Variants in COMMD1 observed in about 807,000 individuals in gnomAD.
The protein encoded by COMMD1 is copper metabolism domain containing 1.
A neutral mutation model predicts 17.2 loss-of-function variants in COMMD1; 10 were observed. The ratio of observed to expected loss-of-function variants is 0.58; its 90% confidence interval spans 0.36 to 0.99. The LOEUF (loss-of-function observed/expected upper bound fraction) is 0.99, where lower values mean the gene tolerates loss of function less well. Among genes scored for constraint, COMMD1 ranks in the 50% least tolerant of loss-of-function variants. The pLI, the probability that COMMD1 is intolerant of heterozygous loss-of-function variation, is 0.01. For missense variants in COMMD1, 270 were observed against 231.8 expected (o/e 1.17, Z -1.07); for synonymous variants, 97 against 91.6 (o/e 1.06, Z -0.34).
At position 61,899,051 on chromosome 2, in the gene COMMD1, G is replaced by A. The variant is rs553875154; in HGVS notation, n.119+10209G>A. On this transcript the variant is annotated intron_variant and non_coding_transcript_variant, in intron 1 of 2. Coordinates refer to the COMMD1 transcript ENST00000472729. Reference sequence around the variant, plus strand: ...ATTGCTCACTCTGATATTTTGGAACGTGCTGTAGGCTCAGGCAGGCAGTAA... The same window carrying A: ...ATTGCTCACTCTGATATTTTGGAACATGCTGTAGGCTCAGGCAGGCAGTAA... Among the ~76,000 whole-genome samples the A allele has an allele frequency of 4.6e-5, 7 of 152,288 alleles. No individual in the cohort carries two copies. In the South Asian group the frequency reaches 6.2e-4, roughly 14 times the overall value.
intron 2 of COMMD1, among the ~76,000 whole-genome samples, chr2:62,024,246 T>C (rs1313713116): frequency 6.6e-6 from 1 of 152,162 alleles, no homozygotes; most frequent in Non-Finnish European, 1.5e-5. Flanking sequence ...AGACAGGGTC[T>C]CCCTCTGTAA....
intron 2 of COMMD1, among the ~76,000 whole-genome samples, chr2:62,087,282 G>A (rs758087895): frequency 6.6e-6 from 1 of 152,158 alleles, no homozygotes; most frequent in East Asian, 1.9e-4. Flanking sequence ...GGTAGAGTCC[G>A]TGAGGGTCAC....
At chr2:62,001,018 T>C in intron 2 of COMMD1, 36 bp downstream of exon 2, 2 of 1,589,540 alleles carry the variant, frequency 1.3e-6, no homozygotes, top group East Asian at 2.2e-5. Context: ...CTTTGTAAAC[T>C]GTATTTTTCA....
intron 2 of COMMD1, among the ~76,000 whole-genome samples, chr2:62,106,160 G>T (rs1489505642): frequency 6.6e-6 from 1 of 152,130 alleles, no homozygotes; most frequent in Non-Finnish European, 1.5e-5. Flanking sequence ...ATTGTGCCTG[G>T]CAGAAAATGA....
At chr2:62,040,676 A>G (rs1378788471) in intron 2 of COMMD1, among the ~76,000 whole-genome samples, 1 of 152,094 alleles carries the variant, frequency 6.6e-6, no homozygotes, top group African/African-American at 2.4e-5. Flanking sequence ...GTTGTGTCAT[A>G]GTCTTTAGTA....
At chr2:62,026,098 C>T (rs183682881) in intron 2 of COMMD1, among the ~76,000 whole-genome samples, 3 of 152,288 alleles carry the variant, frequency 2.0e-5, no homozygotes, top group Admixed American at 2.0e-4. Context: ...AGACACAGGC[C>T]TCTCTGATTC....
intron 2 of COMMD1, among the ~76,000 whole-genome samples, chr2:62,013,124 G>A (rs1468073254): frequency 6.6e-6 from 1 of 152,060 alleles, no homozygotes; most frequent in Non-Finnish European, 1.5e-5. Flanking sequence ...GGATTTCTGG[G>A]ATCTCAGTAC....
chr2:61,912,681 G>C (rs2105180141), intron 1 of COMMD1, among the ~76,000 whole-genome samples: 1 of 150,870 alleles, frequency 6.6e-6, no homozygotes, highest in Admixed American at 6.6e-5. Flanking sequence ...GTTGCAGTGA[G>C]CCGAGATCGT....
chr2:62,093,223 C>T (rs756562428), intron 2 of COMMD1, among the ~76,000 whole-genome samples: 1 of 152,174 alleles, frequency 6.6e-6, no homozygotes, highest in Non-Finnish European at 1.5e-5. Context: ...ATGGCGGCAT[C>T]TGGATAAACT....
At chr2:61,969,342 G>A (rs907099778) in intron 1 of COMMD1, among the ~76,000 whole-genome samples, 7 of 151,836 alleles carry the variant, frequency 4.6e-5, no homozygotes, top group Admixed American at 6.6e-5. Flanking sequence ...AATTCTGATG[G>A]CATAAATCAG....
intron 2 of COMMD1, among the ~76,000 whole-genome samples, chr2:62,046,641 A>G (rs1670392894): frequency 6.6e-6 from 1 of 152,232 alleles, no homozygotes. Context: ...TATTGTCTTG[A>G]TCTTCTGAAC....
chr2:62,126,100 C>T (rs887513931), intron 2 of COMMD1, among the ~76,000 whole-genome samples: 2 of 152,292 alleles, frequency 1.3e-5, no homozygotes, highest in East Asian at 3.9e-4. Context: ...AGGACATGAT[C>T]TTATTCCTTT....
intron 1 of COMMD1, among the ~76,000 whole-genome samples, chr2:61,990,457 C>T (rs976164261): frequency 1.3e-5 from 2 of 152,050 alleles, no homozygotes; most frequent in Non-Finnish European, 2.9e-5. Context: ...GAGGCTGAGG[C>T]GGAAGGACTG....
chr2:61,982,756 C>G (rs1671991116), intron 1 of COMMD1, among the ~76,000 whole-genome samples: 1 of 152,116 alleles, frequency 6.6e-6, no homozygotes, highest in Non-Finnish European at 1.5e-5. Flanking sequence ...TGAATTTTAT[C>G]AAATGTCTTT....
chr2:61,996,774 G>A (rs760596438), intron 1 of COMMD1, among the ~76,000 whole-genome samples: 1 of 152,130 alleles, frequency 6.6e-6, no homozygotes, highest in African/African-American at 2.4e-5. Flanking sequence ...CACATCTTCA[G>A]ATTTCACTTC....
chr2:62,063,868 A>AATAAATATATATATATAT (rs1553385536), intron 2 of COMMD1, among the ~76,000 whole-genome samples: 1 of 81,176 alleles, frequency 1.2e-5, no homozygotes, highest in African/African-American at 4.9e-5. Flanking sequence ...GTCTCTACAA[A>AATAAATATATATATATAT]ATATATATAT....
chr2:61,958,887 C>T (rs764567501), intron 1 of COMMD1, among the ~76,000 whole-genome samples: 8 of 152,008 alleles, frequency 5.3e-5, no homozygotes, highest in East Asian at 1.9e-4. Flanking sequence ...TACTTCAGTT[C>T]GTGCTTTTGT....
chr2:62,076,412 A>G (rs533276774), intron 2 of COMMD1, among the ~76,000 whole-genome samples: 9 of 152,296 alleles, frequency 5.9e-5, no homozygotes, highest in Admixed American at 2.0e-4. Flanking sequence ...ATAGGTAGAT[A>G]GGAGACAACA....
intron 2 of COMMD1, among the ~76,000 whole-genome samples, chr2:62,062,297 G>C (rs376853281): frequency 6.6e-6 from 1 of 151,524 alleles, no homozygotes; most frequent in Admixed American, 6.6e-5. Context: ...CATGATCTCA[G>C]CTCACTGCAA....
Sources: allele counts gnomAD v4.1 joint callset (sites outside exome capture counted in the v4.1 genomes callset), GRCh38; gene constraint gnomAD v4.1.1; transcripts MANE v1.5; gene names NCBI Gene and HGNC (gene_info 2026-07-23, HGNC 2026-07-21).